Variants in SGPL1 observed in about 807,000 individuals in gnomAD.
SGPL1 encodes the protein SP-lyase 1.
A neutral mutation model predicts 68.9 loss-of-function variants in SGPL1; 37 were observed. The ratio of observed to expected loss-of-function variants is 0.54; its 90% CI spans 0.41 to 0.71. The LOEUF is 0.71. Ranked by LOEUF, SGPL1 falls within the 30% of genes least tolerant of loss-of-function variation. SGPL1 has a pLI of 0.00. For synonymous variants in SGPL1, 236 were observed against 248.5 expected (o/e 0.95, Z 0.47); for missense variants, 551 against 704.6 (o/e 0.78, Z 2.47).
intron 5 of SGPL1, chr10:70,857,396 CT>C: frequency 2.1e-6 from 1 of 466,138 alleles, no homozygotes. Flanking sequence ...CTATTAATAT[CT>C]TTTTCACATT....
chr10:70,821,537 A>G (rs1035824320), intron 2 of SGPL1, among the ~76,000 whole-genome samples: 4 of 152,046 alleles, frequency 2.6e-5, no homozygotes, highest in Non-Finnish European at 5.9e-5. Context: ...ACCAGGGGCA[A>G]TTTTGCCCTC....
chr10:70,862,167 G>T (rs577026758), intron 7 of SGPL1, among the ~76,000 whole-genome samples: 11 of 152,340 alleles, frequency 7.2e-5, no homozygotes, highest in African/African-American at 2.6e-4. Flanking sequence ...GTAGCTCAGG[G>T]ATTGTAAATA....
chr10:70,857,724 G>C (rs766333003), intron 6 of SGPL1, 34 bp downstream of exon 6: 3 of 1,456,010 alleles, frequency 2.1e-6, no homozygotes, highest in Non-Finnish European at 2.8e-6. Context: ...AGCCTGTGAG[G>C]TCTGTGCCAG....
At position 70,839,087 on chromosome 10, in the gene SGPL1, C is replaced by T. The variant is rs1482776749; in HGVS notation, c.28-5386C>T. Among the ~76,000 whole-genome samples the T allele has an allele frequency of 2.0e-5, 3 of 152,008 alleles. No individual in the cohort carries two copies. The East Asian group carries it at 5.8e-4, about 29-fold the overall frequency. On this transcript the variant is annotated intron_variant, in intron 2 of 14. Transcript: ENST00000373202. ...TTGGGGCGAGTGGGCTACCAAGCTCCCATAAATTCTAGGAGCTGCCTTTTG... is the reference window on the plus strand; with the variant it reads ...TTGGGGCGAGTGGGCTACCAAGCTCTCATAAATTCTAGGAGCTGCCTTTTG...
At chr10:70,829,077 C>G (rs1845488946) in intron 2 of SGPL1, among the ~76,000 whole-genome samples, 1 of 152,106 alleles carries the variant, frequency 6.6e-6, no homozygotes, top group Admixed American at 6.5e-5. Context: ...TTACCCAGCC[C>G]TTTCTGAAAA....
chr10:70,872,668 G>C (rs1353671856), intron 11 of SGPL1, among the ~76,000 whole-genome samples: 1 of 152,112 alleles, frequency 6.6e-6, no homozygotes, highest in East Asian at 1.9e-4. Context: ...TTTCAAAATC[G>C]GTGTGATCTG....
At chr10:70,872,201 C>G (rs1243794842) in intron 11 of SGPL1, among the ~76,000 whole-genome samples, 1 of 152,136 alleles carries the variant, frequency 6.6e-6, no homozygotes, top group African/African-American at 2.4e-5. Flanking sequence ...GAACCTGTTA[C>G]CTTTATCTCA....
chr10:70,851,352 A>G, intron 4 of SGPL1, 142 bp downstream of exon 4: 2 of 704,234 alleles, frequency 2.8e-6, no homozygotes, highest in East Asian at 5.3e-5. Flanking sequence ...ATTTGGAGAC[A>G]TTTTTGGTGG....
At chr10:70,876,128 G>A (rs566861513) in intron 13 of SGPL1, among the ~76,000 whole-genome samples, 2 of 152,220 alleles carry the variant, frequency 1.3e-5, no homozygotes, top group African/African-American at 2.4e-5. Flanking sequence ...CCTCCAGGGC[G>A]AGGTAGAATT....
intron 7 of SGPL1, 55 bp from the exon 8 acceptor site, chr10:70,868,290 A>C: frequency 8.0e-7 from 1 of 1,251,306 alleles, no homozygotes; most frequent in Non-Finnish European, 1.1e-6. Flanking sequence ...TCAGGGCATG[A>C]AGAGCCGGGG....
intron 2 of SGPL1, among the ~76,000 whole-genome samples, chr10:70,826,259 C>G (rs543896182): frequency 4.5e-4 from 68 of 152,276 alleles, no homozygotes; most frequent in Non-Finnish European, 8.2e-4. Context: ...CAGTACAATA[C>G]AATACAATGC....
At chr10:70,867,678 G>T (rs560632046) in intron 7 of SGPL1, among the ~76,000 whole-genome samples, 410 of 152,252 alleles carry the variant, frequency 2.7e-3, no homozygotes, top group African/African-American at 9.5e-3. Flanking sequence ...TCCAGTGAGG[G>T]AAATAAGATG....
chr10:70,867,436 G>T (rs1175757521), intron 7 of SGPL1, among the ~76,000 whole-genome samples: 1 of 152,056 alleles, frequency 6.6e-6, no homozygotes, highest in Non-Finnish European at 1.5e-5. Context: ...GGTGGTGGGC[G>T]CCTGTAATCC....
chr10:70,869,674 A>G, intron 8 of SGPL1, 118 bp from the exon 9 acceptor site: 1 of 786,728 alleles, frequency 1.3e-6, no homozygotes, highest in East Asian at 2.8e-5. Flanking sequence ...AAACACTTAA[A>G]TTTTTAATTT....
At chr10:70,842,252 C>T (rs560005913) in intron 2 of SGPL1, among the ~76,000 whole-genome samples, 1 of 152,222 alleles carries the variant, frequency 6.6e-6, no homozygotes, top group Non-Finnish European at 1.5e-5. Context: ...TATTTGTATA[C>T]ATGTGCAAAG....
rs186343619 is a variant in SGPL1 at position 70,861,574 on chromosome 10, C to T, written c.615+2075C>T. On this transcript the variant is annotated intron_variant, in intron 7 of 14. Transcript: ENST00000373202. The stretch of plus-strand genomic sequence containing the variant: ...AGGAGCTCTTCAGCCCACCGCTGCA[C>T]TGTAGGAGCCCCTTTCTGGGCTGGC... Among the ~76,000 whole-genome samples, 268 of 152,370 alleles carry T rather than the reference C, an allele frequency of 1.8e-3. 1 individual carries two copies. Among genetic ancestry groups the T allele is most frequent in the Middle Eastern group, 3.4e-3 (1 of 294 alleles).
intron 8 of SGPL1, among the ~76,000 whole-genome samples, chr10:70,868,786 G>C (rs1317416090): frequency 1.3e-5 from 2 of 152,054 alleles, no homozygotes; most frequent in Admixed American, 1.3e-4. Flanking sequence ...AACCTCTCTA[G>C]GTACTTTAGT....
At chr10:70,860,442 C>T in intron 7 of SGPL1, 1 of 467,270 alleles carries the variant, frequency 2.1e-6, no homozygotes, top group Non-Finnish European at 4.4e-6. Context: ...CCATGAAAAT[C>T]ATCATGTTCA....
intron 6 of SGPL1, 48 bp downstream of exon 6, chr10:70,857,738 A>G: frequency 8.1e-7 from 1 of 1,228,108 alleles, no homozygotes; most frequent in Non-Finnish European, 1.2e-6. Flanking sequence ...GTGCCAGTTT[A>G]CATGACCTCC....
Sources: gnomAD v4.1 joint callset for allele counts (sites outside exome capture counted in the v4.1 genomes callset) on GRCh38, gnomAD v4.1.1 for gene constraint, MANE v1.5 for transcripts, NCBI Gene and HGNC (gene_info 2026-07-23, HGNC 2026-07-21) for gene names.